Variants in SLC35F5 observed in about 807,000 individuals in gnomAD.
SLC35F5 encodes the protein solute carrier family 35 member F5, also known as HCV NS5A-transactivated protein 3.
A neutral mutation model predicts 68.6 loss-of-function variants in SLC35F5; 54 were observed. The ratio of observed to expected loss-of-function variants is 0.79; its 90% CI spans 0.63 to 0.99. SLC35F5 has a LOEUF of 0.99. SLC35F5 is among the 50% of genes least tolerant of loss of function. SLC35F5 has a pLI of 0.00. For synonymous variants in SLC35F5, 211 were observed against 205.2 expected (o/e 1.03, Z -0.24); for missense variants, 567 against 626.9 (o/e 0.90, Z 1.02).
rs139852762 is a variant in SLC35F5, at chr2:113,742,879, G to A, written c.563C>T (p.Thr188Ile). Residue 188 changes from threonine (T) to isoleucine (I), a missense_variant and splice_region_variant, in exon 7 of 16, where the codon ACC becomes ATC. Transcript: ENST00000245680. The part of the protein sequence containing the change: ...PESTNIDTEK[T>I]PKKSRVRFSN... ...GAACCTCACACGAGACTTTTTGGGG[G>A]CTTAAAAGGAAGAGCATAATATGAA... 1 of 1,610,510 alleles carries A rather than the reference G, an allele frequency of 6.2e-7. No individual in the cohort carries two copies. Among genetic ancestry groups the A allele is most frequent in the Non-Finnish European group, 8.5e-7 (1 of 1,177,540 alleles).
At chr2:113,745,029 A>G (rs1178811931) in intron 5 of SLC35F5, among the ~76,000 whole-genome samples, 1 of 152,064 alleles carries the variant, frequency 6.6e-6, no homozygotes, top group African/African-American at 2.4e-5. Flanking sequence ...TCTACCAACA[A>G]CAAAAAAAAA....
chr2:113,756,358 CT>C lies in SLC35F5; in HGVS notation c.40+11del, dbSNP rs1467787099. On this transcript the variant is annotated intron_variant, in intron 1 of 15. Transcript: ENST00000245680. ...GCTCCGGTGATGTCGGGGCCCTTCCCTGCCTGCCTACCTGGCCTTCCTGCCC... is the reference window on the plus strand; with the variant it reads ...GCTCCGGTGATGTCGGGGCCCTTCCCGCCTGCCTACCTGGCCTTCCTGCCC... 6 of 1,571,310 alleles carry C rather than the reference CT, an allele frequency of 3.8e-6. No individual in the cohort carries two copies. Among genetic ancestry groups the C allele is most frequent in the Non-Finnish European group, 5.2e-6 (6 of 1,159,026 alleles).
chr2:113,705,021 A>ATCCTTT (rs1195102800), downstream of SLC35F5: 2 of 152,226 alleles, frequency 1.3e-5, no homozygotes, highest in Non-Finnish European at 2.9e-5. Flanking sequence ...TCCTTTGTGG[A>ATCCTTT]TCCGTATCAG....
At chr2:113,730,968 A>G (rs897599136) in intron 10 of SLC35F5, among the ~76,000 whole-genome samples, 8 of 152,162 alleles carry the variant, frequency 5.3e-5, no homozygotes, top group Admixed American at 3.9e-4. Flanking sequence ...GGTTAATTTT[A>G]ACCACCTTAA....
At chr2:113,718,136 T>C (rs1274385562) in intron 14 of SLC35F5, among the ~76,000 whole-genome samples, 1 of 152,168 alleles carries the variant, frequency 6.6e-6, no homozygotes, top group Admixed American at 6.5e-5. Flanking sequence ...CAGGCTAAAG[T>C]GTAGTGGTGC....
At chr2:113,726,271 A>T (rs1434344984) in intron 11 of SLC35F5, among the ~76,000 whole-genome samples, 2 of 152,212 alleles carry the variant, frequency 1.3e-5, no homozygotes, top group Non-Finnish European at 2.9e-5. Context: ...AAGATTAGAC[A>T]AAACACATAA....
At position 113,711,848 on chromosome 2, in the gene SLC35F5, C is replaced by T. The variant is rs1026398950; in HGVS notation, c.*3370G>A. Among the ~76,000 whole-genome samples, 4 of 152,094 alleles carry T rather than the reference C, an allele frequency of 2.6e-5. No homozygotes were observed. The highest frequency in any genetic ancestry group is 9.7e-5 in the African/African-American group (4 of 41,402). The stretch of plus-strand genomic sequence containing the variant: ...ATGAAAATGACATTTCATTTATTTG[C>T]TAATATGTGGAAAAAAATTTTCTAA... On this transcript the variant is annotated 3_prime_UTR_variant, in exon 16 of 16. Transcript: ENST00000245680.
rs758516281 is a variant in SLC35F5, at chr2:113,742,719, C to T, written c.723G>A (p.Ala241=). 17 of 1,613,472 alleles carry T rather than the reference C, an allele frequency of 1.1e-5. No individual in the cohort carries two copies. The highest frequency in any genetic ancestry group is 8.3e-5 in the Admixed American group (5 of 59,936). ...TVGKLTATQV[A]KISFFFCFVW... ...CAAAGCAAAAAAAAAAGCTAATTTTCGCTACTTGAGTTGCAGTAAGTTTCC... is the reference window on the plus strand; with the variant it reads ...CAAAGCAAAAAAAAAAGCTAATTTTTGCTACTTGAGTTGCAGTAAGTTTCC... Residue 241 remains alanine, a synonymous_variant, in exon 7 of 16, where the codon GCG becomes GCA. Coordinates refer to ENST00000245680, the MANE Select transcript of SLC35F5 (RefSeq NM_025181.5).
intron 3 of SLC35F5, among the ~76,000 whole-genome samples, chr2:113,751,971 G>C (rs1676762982): frequency 6.6e-6 from 1 of 152,026 alleles, no homozygotes; most frequent in African/African-American, 2.4e-5. Context: ...CAACACTTTG[G>C]AAGGCCAAGG....
chr2:113,704,524 G>A (rs540605762), downstream of SLC35F5, among the ~76,000 whole-genome samples: 13 of 152,328 alleles, frequency 8.5e-5, no homozygotes, highest in Admixed American at 4.6e-4. Context: ...CAGGCATGGC[G>A]GGCTGCAGGT....
At chr2:113,724,351 AG>A (rs1687577112) in intron 12 of SLC35F5, among the ~76,000 whole-genome samples, 1 of 152,324 alleles carries the variant, frequency 6.6e-6, no homozygotes, top group African/African-American at 2.4e-5. Context: ...TTAATAGTTA[AG>A]GTTAAAAAAA....
downstream of SLC35F5, chr2:113,703,795 A>C (rs1686740649): frequency 6.6e-6 from 1 of 152,190 alleles, no homozygotes; most frequent in Admixed American, 6.5e-5. Context: ...CACTGACTCC[A>C]CAATTGGCCT....
chr2:113,729,465 G>A lies in SLC35F5; in HGVS notation c.1026C>T (p.Val342=), dbSNP rs1489046675. 6.3e-7 allele frequency: 1 copy of A among 1,594,458 alleles called. No individual in the cohort carries two copies. The highest frequency in any genetic ancestry group is 1.8e-5 in the Admixed American group (1 of 56,150). Residue 342 remains valine (V), a synonymous_variant, in exon 11 of 16, where the codon GTC becomes GTT. Coordinates refer to ENST00000245680, the MANE Select transcript of SLC35F5 (RefSeq NM_025181.5). ...WSLAGAMLYA[V]YIVMIKRKVD... ...CTTTTCTCTTAATCATAACAATATA[G>A]ACAGCATAGAGCATGGCTCCAGCAA...
chr2:113,717,903 C>G, intron 14 of SLC35F5, 53 bp from the exon 15 acceptor site: 1 of 1,295,586 alleles, frequency 7.7e-7, no homozygotes. Flanking sequence ...TGAAAAGGAA[C>G]CTCAAACCTT....
In SLC35F5 at chr2:113,756,552, ACCAC is replaced by A. The variant is rs1440568521; in HGVS notation, c.-147_-144del. The A allele has an allele frequency of 1.4e-6, 2 of 1,471,030 alleles. No individual in the cohort carries two copies. Among genetic ancestry groups the A allele is most frequent in the Admixed American group, 2.3e-5 (1 of 44,054 alleles). The allele number at this position is 1,471,030 out of a possible 1,614,324, so 91.1% of individuals were successfully genotyped here. On this transcript the variant is annotated 5_prime_UTR_variant, in exon 1 of 16. Coordinates refer to ENST00000245680, the MANE Select transcript of SLC35F5 (RefSeq NM_025181.5). Reference sequence around the variant, plus strand: ...TGCCCCTCAGGGAGAGGCTCCCGACACCACCCAACTCCACTCGGCCCAGGAGGGC... The same window carrying A: ...TGCCCCTCAGGGAGAGGCTCCCGACACCAACTCCACTCGGCCCAGGAGGGC...
downstream of SLC35F5, among the ~76,000 whole-genome samples, chr2:113,704,673 C>T (rs1553473482): frequency 1.3e-5 from 2 of 151,944 alleles, no homozygotes; most frequent in South Asian, 2.1e-4. Flanking sequence ...TTGCCCGGGG[C>T]CGGCAGGGCC....
chr2:113,716,390 G>A (rs1315712820), intron 15 of SLC35F5, among the ~76,000 whole-genome samples: 1 of 152,130 alleles, frequency 6.6e-6, no homozygotes, highest in East Asian at 1.9e-4. Context: ...GGAAATACCA[G>A]GACGAATCCT....
chr2:113,743,108 C>A (rs1676350767), intron 6 of SLC35F5, among the ~76,000 whole-genome samples: 1 of 152,060 alleles, frequency 6.6e-6, no homozygotes, highest in African/African-American at 2.4e-5. Flanking sequence ...AAAATGAGAC[C>A]AATATTCAAA....
chr2:113,710,051 C>G lies in SLC35F5; in HGVS notation c.*5167G>C, dbSNP rs1197896186. Among the ~76,000 whole-genome samples the G allele has an allele frequency of 6.6e-6, 1 of 151,718 alleles. No individual in the cohort carries two copies. Among genetic ancestry groups the G allele is most frequent in the African/African-American group, 2.4e-5 (1 of 41,262 alleles). ...GCCTGATCTTGAACTCCTGGGCTCA[C>G]GTGATCCTCCTGCCTCAGTCTCCCA... On this transcript the variant is annotated 3_prime_UTR_variant, in exon 16 of 16. Transcript: ENST00000245680.
Sources: allele counts gnomAD v4.1 joint callset (sites outside exome capture counted in the v4.1 genomes callset), GRCh38; gene constraint gnomAD v4.1.1; transcripts MANE v1.5; gene names NCBI Gene and HGNC (gene_info 2026-07-23, HGNC 2026-07-21).